PIEZO2: variants seen among roughly 807,000 people sequenced by gnomAD.
The protein encoded by PIEZO2 is piezo-type mechanosensitive ion channel component 2.
Under a neutral mutation model 337.3 loss-of-function variants are expected in PIEZO2, and 172 were observed. The observed-to-expected ratio is 0.51, with a 90% CI of 0.45 to 0.58. PIEZO2 has a LOEUF of 0.58. PIEZO2 is among the 20% of genes least tolerant of loss of function. The probability of loss-of-function intolerance (pLI) is 0.00; values close to 1 mark genes in which losing one functional copy is unlikely to be tolerated. For missense variants in PIEZO2, 3,028 were observed against 3,391.3 expected, an observed-to-expected ratio of 0.89 and a Z score of 2.66; for synonymous variants, 1,251 against 1,228.5, an observed-to-expected ratio of 1.02 and a Z score of -0.38.
intron 3 of PIEZO2, among the ~76,000 whole-genome samples, chr18:10,934,592 G>T (rs1423880958): frequency 1.3e-5 from 2 of 151,204 alleles, no homozygotes; most frequent in Middle Eastern, 6.9e-3. Context: ...TGTGTGAAAA[G>T]AATTAGAAAA....
chr18:10,838,038 C>T (rs1252578749), intron 7 of PIEZO2, among the ~76,000 whole-genome samples: 1 of 152,096 alleles, frequency 6.6e-6, no homozygotes, highest in Non-Finnish European at 1.5e-5. Flanking sequence ...AGGCATGAGC[C>T]ACCACACCCA....
chr18:11,039,733 A>C (rs903221543), intron 2 of PIEZO2, among the ~76,000 whole-genome samples: 3 of 135,690 alleles, frequency 2.2e-5, no homozygotes, highest in African/African-American at 8.4e-5. Flanking sequence ...CTTAAGTTGA[A>C]TCTATTTTAA....
Position 11,126,895 on chromosome 18 carries a change from C to A in PIEZO2, c.64+21630G>T, listed in dbSNP as rs1382873824. On this transcript the variant is annotated intron_variant, in intron 1 of 55. Coordinates refer to ENST00000674853, the MANE Select transcript of PIEZO2 (RefSeq NM_001378183.1). The surrounding 1 kb of genome is among the most constrained non-coding windows in gnomAD (Gnocchi z 4.6). ...TGAAATGAATGGAGGAATGAATGAACACACTGGTGTCATTTCCATTGCTGT... is the reference window on the plus strand; with the variant it reads ...TGAAATGAATGGAGGAATGAATGAAAACACTGGTGTCATTTCCATTGCTGT... 6.6e-6 allele frequency among the ~76,000 whole-genome samples: 1 copy of A among 152,078 alleles called. No homozygotes were observed. Among genetic ancestry groups the A allele is most frequent in the African/African-American group, 2.4e-5 (1 of 41,406 alleles).
intron 1 of PIEZO2, among the ~76,000 whole-genome samples, chr18:11,141,507 T>C (rs1225263283): frequency 6.6e-6 from 1 of 152,146 alleles, no homozygotes; most frequent in Non-Finnish European, 1.5e-5. Flanking sequence ...GCACAGAATG[T>C]AGAGCCACGC....
Position 10,855,013 on chromosome 18 carries a change from G to A in PIEZO2, c.917+340C>T, listed in dbSNP as rs1439413604. Among the ~76,000 whole-genome samples the A allele has an allele frequency of 6.6e-6, 1 of 152,120 alleles. No individual in the cohort carries two copies. Among genetic ancestry groups the A allele is most frequent in the Non-Finnish European group, 1.5e-5 (1 of 68,042 alleles). On this transcript the variant is annotated intron_variant, in intron 7 of 55. Transcript: ENST00000674853. This position sits in a 1 kb window ranked among gnomAD's most constrained non-coding sequence, Gnocchi z 4.9. ...AGGCCCATGAAACGCCTTTCTAGCT[G>A]GATGCTGTGGCACATCCTTATTGTT... is the stretch of plus-strand genomic sequence containing the variant.
rs7227167 is a variant in PIEZO2, at chr18:10,763,009, T to C, written c.3036A>G (p.Thr1012=). ...AGACGATGATCACACACGTCCAGACTGTGCAGACACTTGAAGCCAGACGGC... is the reference window on the plus strand; with the variant it reads ...AGACGATGATCACACACGTCCAGACCGTGCAGACACTTGAAGCCAGACGGC... The part of the protein sequence containing the change: ...KLRRLASSVC[T]VWTCVIIVCK... Residue 1012 remains threonine, a synonymous_variant, in exon 22 of 56, where the codon ACA becomes ACG. Coordinates refer to ENST00000674853, the MANE Select transcript of PIEZO2 (RefSeq NM_001378183.1). The C allele has an allele frequency of 0.8, 1,233,593 of 1,537,182 alleles. 496,371 individuals carry two copies. Among genetic ancestry groups the C allele is most frequent in the African/African-American group, 0.93 (68,328 of 73,172 alleles).
At chr18:10,974,998 G>T (rs994926402) in intron 3 of PIEZO2, among the ~76,000 whole-genome samples, 2 of 152,218 alleles carry the variant, frequency 1.3e-5, no homozygotes, top group African/African-American at 4.8e-5. Flanking sequence ...TTTAGAGAAT[G>T]AATAGGACAA....
chr18:10,899,806 C>T lies in PIEZO2; in HGVS notation c.329+11380G>A, dbSNP rs762957580. 1.3e-5 allele frequency among the ~76,000 whole-genome samples: 2 copies of T among 152,130 alleles called. No individual in the cohort carries two copies. Among genetic ancestry groups the T allele is most frequent in the Non-Finnish European group, 2.9e-5 (2 of 68,026 alleles). On this transcript the variant is annotated intron_variant, in intron 4 of 55. Transcript: ENST00000674853. This position sits in a 1 kb window ranked among gnomAD's most constrained non-coding sequence, Gnocchi z 4.6. Reference sequence around the variant, plus strand: ...AAACCTACAATGTTCATGCTAACACCTCTGACTTTCCTAGAACAGTCAAGG... The same window carrying T: ...AAACCTACAATGTTCATGCTAACACTTCTGACTTTCCTAGAACAGTCAAGG...
rs2039143904 is a variant in PIEZO2 at position 10,784,477 on chromosome 18, T to C, written c.2492+307A>G. ...ATTCCCTAAATGTTCTAAAAACATATAACCAGCCTAGACACAAATACACAT... is the reference window on the plus strand; with the variant it reads ...ATTCCCTAAATGTTCTAAAAACATACAACCAGCCTAGACACAAATACACAT... On this transcript the variant is annotated intron_variant, in intron 17 of 55. Coordinates refer to ENST00000674853, the MANE Select transcript of PIEZO2 (RefSeq NM_001378183.1). This position sits in a 1 kb window ranked among gnomAD's most constrained non-coding sequence, Gnocchi z 4.5. Among the ~76,000 whole-genome samples the C allele has an allele frequency of 6.6e-6, 1 of 152,200 alleles. No individual in the cohort carries two copies. Among genetic ancestry groups the C allele is most frequent in the Non-Finnish European group, 1.5e-5 (1 of 68,042 alleles).
rs1460535568 is a variant in PIEZO2 at position 11,033,116 on chromosome 18, T to C, written c.160+33011A>G. Among the ~76,000 whole-genome samples, 1 of 152,214 alleles carries C rather than the reference T, an allele frequency of 6.6e-6. No individual in the cohort carries two copies. The highest frequency in any genetic ancestry group is 2.4e-5 in the African/African-American group (1 of 41,466). ...GAGAAACAATAATAGACAGCACCTT[T>C]TGAGCATTTACCGTGAGCCCAACAC... On this transcript the variant is annotated intron_variant, in intron 2 of 55. Transcript: ENST00000674853. The surrounding 1 kb of genome is among the most constrained non-coding windows in gnomAD (Gnocchi z 4.2).
rs1032846470 is a variant in PIEZO2, at chr18:11,104,977, G to A, written c.65-38755C>T. Among the ~76,000 whole-genome samples the A allele has an allele frequency of 4.6e-5, 7 of 152,122 alleles. No homozygotes were observed. The highest frequency in any genetic ancestry group is 1.9e-4 in the East Asian group (1 of 5,178). ...CGTGTCCTCTCTGGGACTTTCGCTG[G>A]AGCTAATGGAAAAGAGATACTTTTG... On this transcript the variant is annotated intron_variant, in intron 1 of 55. Coordinates refer to ENST00000674853, the MANE Select transcript of PIEZO2 (RefSeq NM_001378183.1). The surrounding 1 kb of genome is among the most constrained non-coding windows in gnomAD (Gnocchi z 4.6).
At position 10,871,453 on chromosome 18, in the gene PIEZO2, G is replaced by T. The variant is rs776758265; in HGVS notation, c.330-38C>A. ...AACAAGGGGAGGGGAAAAAAATTTA[G>T]TTCTTATATTTCTACGGTTAAACTG... is the stretch of plus-strand genomic sequence containing the variant. On this transcript the variant is annotated intron_variant, in intron 4 of 55. Coordinates refer to ENST00000674853, the MANE Select transcript of PIEZO2 (RefSeq NM_001378183.1). 4.0e-5 allele frequency: 60 copies of T among 1,510,158 alleles called. No homozygotes were observed. In the South Asian group the frequency reaches 7.3e-4, roughly 18 times the overall value. The allele number at this position is 1,510,158 out of a possible 1,614,324, so 93.5% of individuals were successfully genotyped here.
In PIEZO2 at chr18:10,862,737, G is replaced by A. The variant is rs1380070944; in HGVS notation, c.493-5526C>T. The stretch of plus-strand genomic sequence containing the variant: ...GGGAATGAATTCCAGGAAGCTGTAT[G>A]ATTAAAGTACTCTCTGGGGTGACCT... On this transcript the variant is annotated intron_variant, in intron 5 of 55. Coordinates refer to ENST00000674853, the MANE Select transcript of PIEZO2 (RefSeq NM_001378183.1). The surrounding 1 kb of genome is among the most constrained non-coding windows in gnomAD (Gnocchi z 4.4). Among the ~76,000 whole-genome samples, 1 of 152,224 alleles carries A rather than the reference G, an allele frequency of 6.6e-6. No individual in the cohort carries two copies. Among genetic ancestry groups the A allele is most frequent in the East Asian group, 1.9e-4 (1 of 5,204 alleles).
rs1054146862 is a variant in PIEZO2, at chr18:10,781,951, T to A, written c.2493-1585A>T. Among the ~76,000 whole-genome samples the A allele has an allele frequency of 6.6e-6, 1 of 151,808 alleles. No individual in the cohort carries two copies. On this transcript the variant is annotated intron_variant, in intron 17 of 55. Transcript: ENST00000674853. The surrounding 1 kb of genome is among the most constrained non-coding windows in gnomAD (Gnocchi z 4.1). ...TCAATCCTAACTCTCAAAATATTCC[T>A]TTTTCTTCATCATTTTGATTTTAAT...
In PIEZO2 at chr18:10,855,281, C is replaced by T; in HGVS notation, c.917+72G>A. 1 of 1,341,140 alleles carries T rather than the reference C, an allele frequency of 7.5e-7. No individual in the cohort carries two copies. The highest frequency in any genetic ancestry group is 1.0e-6 in the Non-Finnish European group (1 of 976,522). 83.1% of individuals were successfully genotyped at this position (1,341,140 alleles called of 1,614,324 possible). On this transcript the variant is annotated intron_variant, in intron 7 of 55. Coordinates refer to ENST00000674853, the MANE Select transcript of PIEZO2 (RefSeq NM_001378183.1). This position sits in a 1 kb window ranked among gnomAD's most constrained non-coding sequence, Gnocchi z 4.9. Reference sequence around the variant, plus strand: ...ATCAAGAATAACCCCTGTAAATTCACAATGCCAAACCAAGGTCCCAAAGGC... The same window carrying T: ...ATCAAGAATAACCCCTGTAAATTCATAATGCCAAACCAAGGTCCCAAAGGC...
At chr18:10,948,597 T>C (rs2033144182) in intron 3 of PIEZO2, among the ~76,000 whole-genome samples, 1 of 152,160 alleles carries the variant, frequency 6.6e-6, no homozygotes, top group Non-Finnish European at 1.5e-5. Context: ...ATGATAGAAA[T>C]CACTTTGGCG....
chr18:10,717,972 C>T (rs918149252), intron 37 of PIEZO2, among the ~76,000 whole-genome samples: 9 of 152,212 alleles, frequency 5.9e-5, no homozygotes, highest in African/African-American at 2.2e-4. Flanking sequence ...AATTTACAAA[C>T]TGACACTAAT....
Position 11,077,666 on chromosome 18 carries a change from CTT to C in PIEZO2, c.65-11446_65-11445del, listed in dbSNP as rs934719359. Reference sequence around the variant, plus strand: ...CTCCAGCCTGTTTCAGAAGTTCTCTCTTTATAGATTCATAGAGATTTCAAGTT... The same window carrying C: ...CTCCAGCCTGTTTCAGAAGTTCTCTCTATAGATTCATAGAGATTTCAAGTT... On this transcript the variant is annotated intron_variant, in intron 1 of 55. Coordinates refer to ENST00000674853, the MANE Select transcript of PIEZO2 (RefSeq NM_001378183.1). This position sits in a 1 kb window ranked among gnomAD's most constrained non-coding sequence, Gnocchi z 4.8. Among the ~76,000 whole-genome samples the C allele has an allele frequency of 1.1e-4, 16 of 152,260 alleles. No homozygotes were observed. Among genetic ancestry groups the C allele is most frequent in the South Asian group, 8.3e-4 (4 of 4,824 alleles).
intron 2 of PIEZO2, among the ~76,000 whole-genome samples, chr18:11,044,931 T>C (rs1460394944): frequency 2.0e-5 from 3 of 152,056 alleles, no homozygotes; most frequent in African/African-American, 7.2e-5. Context: ...GGAGGACTGC[T>C]TGAGCCCAGG....
Sources: allele counts gnomAD v4.1 joint callset (sites outside exome capture counted in the v4.1 genomes callset), GRCh38; gene constraint gnomAD v4.1.1; non-coding constraint Gnocchi (gnomAD v3.1); transcripts MANE v1.5; gene names NCBI Gene and HGNC (gene_info 2026-07-23, HGNC 2026-07-21).